Variants in ENSA observed in about 807,000 individuals in gnomAD.
ENSA encodes alpha-endosulfine.
Under a neutral mutation model 16.8 loss-of-function variants are expected in ENSA, and 7 were observed. That is an observed-to-expected ratio of 0.42 (90% CI 0.24 to 0.78). The LOEUF is 0.78. Ranked by LOEUF, ENSA falls within the 30% of genes least tolerant of loss-of-function variation. The pLI is 0.29. For missense variants in ENSA, 87 were observed against 142.3 expected, an observed-to-expected ratio of 0.61 and a Z score of 1.98; for synonymous variants, 58 against 53.4, an observed-to-expected ratio of 1.09 and a Z score of -0.37.
chr1:150,623,937 TCATCCCCCCA>T (rs1298085058), intron 3 of ENSA: 3 of 985,190 alleles, frequency 3.0e-6, no homozygotes, highest in African/African-American at 1.7e-5. Flanking sequence ...TATACACACC[TCATCCCCCCA>T]CATGCACATC....
downstream of ENSA, chr1:150,621,406 T>G (rs1435343743): frequency 6.6e-6 from 1 of 152,252 alleles, no homozygotes; most frequent in African/African-American, 2.4e-5. Flanking sequence ...CCCAAGTAAG[T>G]GGGATTATAG....
At chr1:150,623,963 G>A (rs1649135265) in intron 3 of ENSA, 5 of 985,406 alleles carry the variant, frequency 5.1e-6, no homozygotes, top group Non-Finnish European at 6.0e-6. Context: ...ACATCAGCAA[G>A]TCTATCAGTC....
chr1:150,625,644 C>T lies in ENSA; in HGVS notation c.348G>A (p.Ala116=), dbSNP rs369716092. 2.7e-5 allele frequency: 44 copies of T among 1,601,184 alleles called. No homozygotes were observed. Among genetic ancestry groups the T allele is most frequent in the Admixed American group, 8.6e-5 (5 of 58,428 alleles). ...GAGGAGAGGGGGGCTCAGGTTACCC[C>T]GCAAGCTTGCTGGTGACGAGCGAGG... The part of the protein sequence containing the change: ...RKSSLVTSKL[A]GGQVE Residue 116 remains alanine, a splice_region_variant and synonymous_variant, in exon 3 of 4, where the codon GCG becomes GCA. Transcript: ENST00000369014.
Position 150,625,504 on chromosome 1 carries a change from T to G in ENSA, c.350+138A>C, listed in dbSNP as rs749947307. On this transcript the variant is annotated intron_variant, in intron 3 of 3. Coordinates refer to ENST00000369014, the MANE Select transcript of ENSA (RefSeq NM_004436.4). ...CCCCTTTTCAACCTACATTACCTTCTCAGCAGCCCCCAGCAGAATCACAGT... is the reference window on the plus strand; with the variant it reads ...CCCCTTTTCAACCTACATTACCTTCGCAGCAGCCCCCAGCAGAATCACAGT... 6.0e-4 allele frequency: 836 copies of G among 1,389,968 alleles called. 1 individual carries two copies. The highest frequency in any genetic ancestry group is 7.3e-4 in the Non-Finnish European group (784 of 1,070,500). The allele number at this position is 1,389,968 out of a possible 1,614,324, so 86.1% of individuals were successfully genotyped here.
intron 3 of ENSA, chr1:150,625,249 CTACGT>C: frequency 1.0e-6 from 1 of 993,470 alleles, no homozygotes; most frequent in Non-Finnish European, 1.2e-6. Flanking sequence ...CCTTTCCCAA[CTACGT>C]TAGGTTAGCC....
At chr1:150,622,079 T>C (rs1185263934), downstream of ENSA, 1 of 152,246 alleles carries the variant, frequency 6.6e-6, no homozygotes, top group African/African-American at 2.4e-5. Context: ...TATTGTTTTC[T>C]TCCCCCTCCC....
At chr1:150,623,354 G>C (rs1246367403) in intron 3 of ENSA, 1 of 986,140 alleles carries the variant, frequency 1.0e-6, no homozygotes, top group East Asian at 1.1e-4. Flanking sequence ...ACCACTCCTT[G>C]CTAAGGAAGC....
intron 1 of ENSA, chr1:150,629,173 G>A (rs1649565470): frequency 2.5e-6 from 4 of 1,613,116 alleles, no homozygotes; most frequent in East Asian, 2.2e-5. Flanking sequence ...ATAGCACAGC[G>A]TCCAAGGTTT....
At chr1:150,625,948 TAC>T (rs1271458405) in intron 2 of ENSA, 140 bp from the exon 3 acceptor site, 2 of 1,365,524 alleles carry the variant, frequency 1.5e-6, no homozygotes, top group African/African-American at 1.5e-5. Context: ...ACCTCATGCA[TAC>T]ACAGTTTAAC....
At chr1:150,626,535 A>G (rs1246747448) in intron 2 of ENSA, 12 of 1,612,514 alleles carry the variant, frequency 7.4e-6, no homozygotes, top group Non-Finnish European at 9.3e-6. Flanking sequence ...TCCTACAGTC[A>G]TTGCAGAGGA....
chr1:150,627,584 C>T lies in ENSA; in HGVS notation c.66G>A (p.Gln22=), dbSNP rs1198091773. ...EETGEEKQDT[Q]EKEGILPERA... is the part of the protein sequence containing the mutation. ...TCTCAGGCAGAATACCTTCTTTCTCCTGCGTGTCCTGGAGAAAACAAATGA... is the reference window on the plus strand; with the variant it reads ...TCTCAGGCAGAATACCTTCTTTCTCTTGCGTGTCCTGGAGAAAACAAATGA... Residue 22 remains glutamine, a synonymous_variant, in exon 2 of 4, where the codon CAG becomes CAA. Coordinates refer to ENST00000369014, the MANE Select transcript of ENSA (RefSeq NM_004436.4). 6.2e-7 allele frequency: 1 copy of T among 1,607,986 alleles called. No homozygotes were observed.
At chr1:150,628,957 T>G in intron 1 of ENSA, 5 of 1,222,948 alleles carry the variant, frequency 4.1e-6, no homozygotes, top group Non-Finnish European at 6.0e-6. Context: ...ATAACTACAC[T>G]TCTCCCCTCC....
chr1:150,628,178 C>A (rs1248606404), intron 1 of ENSA, among the ~76,000 whole-genome samples: 1 of 151,994 alleles, frequency 6.6e-6, no homozygotes, highest in Non-Finnish European at 1.5e-5. Context: ...TTATTTTTTT[C>A]TTTCTTTTTT....
At chr1:150,628,308 C>CACA (rs1051253747) in intron 1 of ENSA, among the ~76,000 whole-genome samples, 6 of 152,264 alleles carry the variant, frequency 3.9e-5, no homozygotes, top group Non-Finnish European at 7.4e-5. Context: ...TGAGTAATGG[C>CACA]ACAGCCTTGC....
rs373955266 is a variant in ENSA at position 150,624,805 on chromosome 1, A to G, written c.350+837T>C. 1.3e-5 allele frequency: 13 copies of G among 984,844 alleles called. No homozygotes were observed. In the African/African-American group the frequency reaches 1.4e-4, roughly 11 times the overall value. The allele number at this position is 984,844 out of a possible 1,614,324, so 61.0% of individuals were successfully genotyped here. ...TGCTGGCAGTTAAGACTTCAGAATCAGAATCAATCTTACATACATTTAACT... is the reference window on the plus strand; with the variant it reads ...TGCTGGCAGTTAAGACTTCAGAATCGGAATCAATCTTACATACATTTAACT... On this transcript the variant is annotated intron_variant, in intron 3 of 3. Coordinates refer to ENST00000369014, the MANE Select transcript of ENSA (RefSeq NM_004436.4).
Position 150,625,779 on chromosome 1 carries a change from G to A in ENSA, c.213C>T (p.Asn71=), listed in dbSNP as rs779711387. 4 of 1,610,564 alleles carry A rather than the reference G, an allele frequency of 2.5e-6. No individual in the cohort carries two copies. The highest frequency in any genetic ancestry group is 2.2e-5 in the South Asian group (2 of 90,462). The part of the protein sequence containing the change: ...GQKYFDSGDY[N]MAKAKMKNKQ... ...TATTCTTCATCTTGGCTTTGGCCAT[G>A]TTGTAGTCTCCTGAGTCAAAGTACT... The change falls in exon 3 of 4, where the codon AAC becomes AAT. Residue 71 remains asparagine, a synonymous_variant. Coordinates refer to ENST00000369014, the MANE Select transcript of ENSA (RefSeq NM_004436.4).
At chr1:150,625,858 A>G in intron 2 of ENSA, 50 bp from the exon 3 acceptor site, 1 of 1,515,400 alleles carries the variant, frequency 6.6e-7, no homozygotes, top group Non-Finnish European at 8.8e-7. Flanking sequence ...GGCCTTCCTC[A>G]AAAACAAGGA....
At chr1:150,621,742 T>TTATTACAAAGAAATAATA (rs1389034200), downstream of ENSA, 45 of 152,206 alleles carry the variant, frequency 3.0e-4, no homozygotes, top group African/African-American at 1.0e-3. Context: ...TTCTTTTGGC[T>TTATTACAAAGAAATAATA]TATTACAAAG....
At chr1:150,628,694 T>A (rs1649523714) in intron 1 of ENSA, among the ~76,000 whole-genome samples, 1 of 151,788 alleles carries the variant, frequency 6.6e-6, no homozygotes, top group Non-Finnish European at 1.5e-5. Context: ...CAATAAGGGG[T>A]TTATTTGGCG....
Sources: gnomAD v4.1 joint callset for allele counts (sites outside exome capture counted in the v4.1 genomes callset) on GRCh38, gnomAD v4.1.1 for gene constraint, MANE v1.5 for transcripts, NCBI Gene and HGNC (gene_info 2026-07-23, HGNC 2026-07-21) for gene names.